Variants in HIVEP3 observed in about 807,000 individuals in gnomAD.
HIVEP3 encodes transcription factor HIVEP3.
HIVEP3 carries 49 observed loss-of-function variants against 152.8 expected under a neutral mutation model. The observed-to-expected ratio is 0.32, with a 90% CI of 0.26 to 0.41. HIVEP3 has a LOEUF of 0.41. HIVEP3 is among the 10% of genes least tolerant of loss of function. The pLI is 1.00. For missense variants in HIVEP3, 2,790 were observed against 3,103.3 expected (o/e 0.90, Z 2.40); for synonymous variants, 1,269 against 1,289.0 (o/e 0.98, Z 0.33).
intron 1 of HIVEP3, among the ~76,000 whole-genome samples, chr1:41,880,229 G>T (rs1023140444): frequency 2.0e-5 from 3 of 151,998 alleles, no homozygotes; most frequent in African/African-American, 7.3e-5. Flanking sequence ...AAGTAGAGAT[G>T]GGGGTCTCCC....
intron 5 of HIVEP3, among the ~76,000 whole-genome samples, chr1:41,557,783 G>A (rs1386579630): frequency 3.3e-5 from 5 of 152,220 alleles, no homozygotes; most frequent in African/African-American, 4.8e-5. Context: ...GGAAGAAAGA[G>A]AATAAAGGAC....
chr1:41,676,060 CTT>C (rs564390010), intron 2 of HIVEP3, among the ~76,000 whole-genome samples: 2 of 147,204 alleles, frequency 1.4e-5, no homozygotes, highest in Admixed American at 6.8e-5. Context: ...TCTTTTCTTT[CTT>C]TTTTTTTTTG....
At chr1:41,671,538 C>T (rs1645876417) in intron 2 of HIVEP3, among the ~76,000 whole-genome samples, 1 of 152,248 alleles carries the variant, frequency 6.6e-6, no homozygotes, top group Non-Finnish European at 1.5e-5. Context: ...GTCCTCCTAG[C>T]TGAGCTCCCA....
chr1:41,856,725 A>G (rs1470282690), intron 1 of HIVEP3, among the ~76,000 whole-genome samples: 1 of 151,992 alleles, frequency 6.6e-6, no homozygotes, highest in Non-Finnish European at 1.5e-5. Context: ...ATCCAGCCAG[A>G]ATTCTCCCCA....
intron 1 of HIVEP3, among the ~76,000 whole-genome samples, chr1:41,861,354 G>A (rs1365437684): frequency 6.6e-6 from 1 of 152,204 alleles, no homozygotes; most frequent in East Asian, 1.9e-4. Context: ...TCTACTCTAA[G>A]GGCTTATGAT....
At chr1:41,999,475 G>A (rs1645414712) in intron 1 of HIVEP3, among the ~76,000 whole-genome samples, 1 of 152,064 alleles carries the variant, frequency 6.6e-6, no homozygotes, top group African/African-American at 2.4e-5. Flanking sequence ...GACCAAGTTC[G>A]CAGCTCACAT....
chr1:42,013,958 T>TC (rs1212650517), intron 1 of HIVEP3, among the ~76,000 whole-genome samples: 1 of 151,984 alleles, frequency 6.6e-6, no homozygotes, highest in African/African-American at 2.4e-5. Context: ...CAAAACTATT[T>TC]CCCCCCAAAG....
At chr1:41,714,066 T>C (rs1175075334) in intron 1 of HIVEP3, among the ~76,000 whole-genome samples, 1 of 152,232 alleles carries the variant, frequency 6.6e-6, no homozygotes, top group Admixed American at 6.5e-5. Flanking sequence ...GCAGCTGGAC[T>C]ACAGGGGCCC....
intron 2 of HIVEP3, among the ~76,000 whole-genome samples, chr1:41,674,680 G>A (rs567090447): frequency 3.3e-5 from 5 of 152,266 alleles, no homozygotes; most frequent in African/African-American, 9.6e-5. Context: ...CCCGGCTGCC[G>A]GCCACCAGGA....
chr1:41,609,339 G>T (rs1644865909), intron 3 of HIVEP3, among the ~76,000 whole-genome samples: 1 of 152,258 alleles, frequency 6.6e-6, no homozygotes, highest in South Asian at 2.1e-4. Flanking sequence ...GTTCCACTGA[G>T]GGTAGGAACA....
chr1:41,541,576 C>T (rs1444933456), intron 5 of HIVEP3, among the ~76,000 whole-genome samples: 2 of 152,200 alleles, frequency 1.3e-5, no homozygotes, highest in Non-Finnish European at 2.9e-5. Flanking sequence ...CAGTTCTCCC[C>T]TGAGCTCAGA....
chr1:41,695,962 C>G (rs1467204572), intron 2 of HIVEP3, among the ~76,000 whole-genome samples: 1 of 152,168 alleles, frequency 6.6e-6, no homozygotes, highest in African/African-American at 2.4e-5. Context: ...ACGGTCAAGT[C>G]CCTGCCACCA....
intron 5 of HIVEP3, among the ~76,000 whole-genome samples, chr1:41,558,082 C>G (rs1230514932): frequency 6.6e-6 from 1 of 152,324 alleles, no homozygotes; most frequent in East Asian, 1.9e-4. Context: ...ACTCTGGCAA[C>G]TGAGGCACCT....
At position 41,579,691 on chromosome 1, in the gene HIVEP3, T is replaced by C. The variant is rs754345576; in HGVS notation, c.5061+46A>G. 2.0e-6 allele frequency: 3 copies of C among 1,511,686 alleles called. No homozygotes were observed. In the Admixed American group the frequency reaches 6.6e-5, roughly 33 times the overall value. The allele number at this position is 1,511,686 out of a possible 1,614,324, so 93.6% of individuals were successfully genotyped here. A position where few individuals can be genotyped will look rare whatever the true frequency, so the allele number is the denominator to read the frequency against. ...ACTGTGGCTTTAAAAGCTCGCCAAG[T>C]GCTTTTGCAAATCAGTGATGAGAAG... On this transcript the variant is annotated intron_variant, in intron 4 of 8. Coordinates refer to ENST00000372583, the MANE Select transcript of HIVEP3 (RefSeq NM_024503.5).
intron 1 of HIVEP3, among the ~76,000 whole-genome samples, chr1:41,790,539 T>C (rs1329383755): frequency 6.6e-6 from 1 of 152,230 alleles, no homozygotes; most frequent in Non-Finnish European, 1.5e-5. Context: ...GCTTCTGTTT[T>C]CAGATGTACA....
rs1553241157 is a variant in HIVEP3, at chr1:41,638,256, G to GAGAAAGAAAAGAA, written c.-720-9310_-720-9309insTTCTTTTCTTTCT. ...AGAGACAGAGAAATAAAGAAAGAGA[G>GAGAAAGAAAAGAA]AGAAAGAAAGAAAGAAAGAAAGAAA... On this transcript the variant is annotated intron_variant, in intron 2 of 8. Coordinates refer to ENST00000372583, the MANE Select transcript of HIVEP3 (RefSeq NM_024503.5). 2.4e-3 allele frequency among the ~76,000 whole-genome samples: 289 copies of GAGAAAGAAAAGAA among 120,922 alleles called. 3 individuals carry two copies. In the East Asian group the frequency reaches 0.038, roughly 16 times the overall value. 79.3% of individuals were successfully genotyped at this position (120,922 alleles called of 152,430 possible).
chr1:41,739,982 G>A (rs761061632), intron 1 of HIVEP3, among the ~76,000 whole-genome samples: 1 of 152,176 alleles, frequency 6.6e-6, no homozygotes, highest in Admixed American at 6.5e-5. Flanking sequence ...CCACAACCAC[G>A]GCATAACCAG....
At chr1:41,546,800 C>T (rs1643813912) in intron 5 of HIVEP3, among the ~76,000 whole-genome samples, 1 of 152,246 alleles carries the variant, frequency 6.6e-6, no homozygotes, top group South Asian at 2.1e-4. Flanking sequence ...TTGTAGGCAG[C>T]TCTCCAGCAG....
Position 41,684,267 on chromosome 1 carries a change from C to G in HIVEP3, c.-721+16649G>C, listed in dbSNP as rs772470071. Reference sequence around the variant, plus strand: ...AAGTGGGAAAGGGAAGCCCAGCCTGCTGGATTCCAGGTCACCACTTTGTTA... The same window carrying G: ...AAGTGGGAAAGGGAAGCCCAGCCTGGTGGATTCCAGGTCACCACTTTGTTA... On this transcript the variant is annotated intron_variant, in intron 2 of 8. Transcript: ENST00000372583. Among the ~76,000 whole-genome samples the G allele has an allele frequency of 5.9e-5, 9 of 152,344 alleles. No individual in the cohort carries two copies. In the South Asian group the frequency reaches 1.5e-3, roughly 25 times the overall value.
Sources: gnomAD v4.1 joint callset for allele counts (sites outside exome capture counted in the v4.1 genomes callset) on GRCh38, gnomAD v4.1.1 for gene constraint, MANE v1.5 for transcripts, NCBI Gene and HGNC (gene_info 2026-07-23, HGNC 2026-07-21) for gene names.